SERAC1: variants seen among roughly 807,000 people sequenced by gnomAD.
SERAC1 encodes serine active site containing 1, also known as protein SERAC1.
A neutral mutation model predicts 85.7 loss-of-function variants in SERAC1; 36 were observed. The ratio of observed to expected loss-of-function variants is 0.42; its 90% CI spans 0.32 to 0.55. SERAC1 has a LOEUF of 0.55. Among genes scored for constraint, SERAC1 ranks in the 20% least tolerant of loss-of-function variants. The pLI is 0.11. For synonymous variants in SERAC1, 242 were observed against 265.3 expected (o/e 0.91, Z 0.85); for missense variants, 629 against 796.2 (o/e 0.79, Z 2.53).
chr6:158,158,522 A>C, intron 1 of SERAC1, 158 bp from the exon 2 acceptor site: 1 of 527,348 alleles, frequency 1.9e-6, no homozygotes. Context: ...AAAATTCTCC[A>C]TTAAAAACTT....
intron 8 of SERAC1, among the ~76,000 whole-genome samples, chr6:158,133,878 C>A (rs533319339): frequency 1.2e-4 from 19 of 152,100 alleles, no homozygotes; most frequent in Non-Finnish European, 2.6e-4. Flanking sequence ...TTGTTTTTTC[C>A]TAACCTCTAA....
chr6:158,114,554 G>A, intron 15 of SERAC1: 3 of 1,200,718 alleles, frequency 2.5e-6, no homozygotes, highest in Non-Finnish European at 3.2e-6. Context: ...CTAATTTTAA[G>A]TATTTAAGAT....
At chr6:158,143,345 CTCTATATATATATATATA>C (rs1312563909) in intron 7 of SERAC1, among the ~76,000 whole-genome samples, 161 bp from the exon 8 acceptor site, 3 of 26,426 alleles carry the variant, frequency 1.1e-4, no homozygotes, top group African/African-American at 2.2e-4. Flanking sequence ...CTCTCTCTCT[CTCTATATATATATATATA>C]TATATATATA....
chr6:158,166,823 T>G (rs943054039), intron 1 of SERAC1, among the ~76,000 whole-genome samples: 4 of 152,142 alleles, frequency 2.6e-5, no homozygotes, highest in African/African-American at 9.7e-5. Flanking sequence ...AATGCAGAAA[T>G]TAAGGCCATT....
rs1384979855 is a variant in SERAC1 at position 158,119,403 on chromosome 6, C to T, written c.1167-233G>A. ...AAAAATGGAGACTATTCTAGTCAGG[C>T]AGACCAACCACAATCAATTGTAATG... On this transcript the variant is annotated intron_variant, in intron 11 of 16. Coordinates refer to ENST00000647468, the MANE Select transcript of SERAC1 (RefSeq NM_032861.4). The surrounding 1 kb of genome is among the most constrained non-coding windows in gnomAD (Gnocchi z 4.5). Among the ~76,000 whole-genome samples the T allele has an allele frequency of 6.6e-6, 1 of 152,178 alleles. No homozygotes were observed. The highest frequency in any genetic ancestry group is 1.5e-5 in the Non-Finnish European group (1 of 68,028).
intron 8 of SERAC1, among the ~76,000 whole-genome samples, chr6:158,140,797 T>C (rs1196563488): frequency 1.3e-5 from 2 of 152,162 alleles, no homozygotes; most frequent in African/African-American, 4.8e-5. Flanking sequence ...TGAAGGACAC[T>C]GAGCTGATGT....
At chr6:158,141,944 C>T (rs13340445) in intron 8 of SERAC1, among the ~76,000 whole-genome samples, 37,124 of 151,636 alleles carry the variant, frequency 0.24, 4,691 homozygotes, top group East Asian at 0.3. Flanking sequence ...AATGAGAAAA[C>T]GCATTTAATT....
chr6:158,126,604 TA>T (rs1423557905), intron 10 of SERAC1, among the ~76,000 whole-genome samples: 1 of 152,080 alleles, frequency 6.6e-6, no homozygotes, highest in Non-Finnish European at 1.5e-5. Flanking sequence ...ACCATTATGG[TA>T]AAGACTAGAT....
At chr6:158,159,451 A>T (rs1056633436) in intron 1 of SERAC1, among the ~76,000 whole-genome samples, 2 of 146,620 alleles carry the variant, frequency 1.4e-5, no homozygotes, top group African/African-American at 5.0e-5. Flanking sequence ...GTGAGCTGAG[A>T]TTGCGCCACT....
rs2128412608 is a variant in SERAC1, at chr6:158,120,892, A to G, written c.1016-317T>C. Among the ~76,000 whole-genome samples, 1 of 152,354 alleles carries G rather than the reference A, an allele frequency of 6.6e-6. No individual in the cohort carries two copies. The highest frequency in any genetic ancestry group is 2.1e-4 in the South Asian group (1 of 4,828). ...AGTTATAGAGGTGTTCACAAAAGTG[A>G]ACAAAATACCATGATGTTTTGCTTT... On this transcript the variant is annotated intron_variant, in intron 10 of 16. Coordinates refer to ENST00000647468, the MANE Select transcript of SERAC1 (RefSeq NM_032861.4). The surrounding 1 kb of genome is among the most constrained non-coding windows in gnomAD (Gnocchi z 4.4).
chr6:158,156,060 A>G (rs941312322), intron 2 of SERAC1, among the ~76,000 whole-genome samples: 2 of 152,178 alleles, frequency 1.3e-5, no homozygotes, highest in Non-Finnish European at 2.9e-5. Flanking sequence ...AAGGCAGGAG[A>G]ATCGCTTGAA....
At chr6:158,121,204 AAC>A (rs1435111719) in intron 10 of SERAC1, among the ~76,000 whole-genome samples, 2 of 152,178 alleles carry the variant, frequency 1.3e-5, no homozygotes, top group African/African-American at 2.4e-5. Context: ...CACATACACA[AAC>A]ACACAAAGAT....
At chr6:158,143,708 T>G (rs1268351476) in intron 7 of SERAC1, among the ~76,000 whole-genome samples, 2 of 152,020 alleles carry the variant, frequency 1.3e-5, no homozygotes, top group Non-Finnish European at 2.9e-5. Context: ...TTTTCTATTT[T>G]TCAAAAAGCT....
chr6:158,127,442 C>A (rs1265768024), intron 10 of SERAC1, among the ~76,000 whole-genome samples: 1 of 17,380 alleles, frequency 5.8e-5, no homozygotes, highest in Non-Finnish European at 1.2e-4. Context: ...CCCGGCCGCC[C>A]CTACTGGGAA....
chr6:158,148,833 TA>T, intron 5 of SERAC1, 31 bp downstream of exon 5: 1 of 1,437,882 alleles, frequency 7.0e-7, no homozygotes, highest in Non-Finnish European at 9.7e-7. Flanking sequence ...AGATTACTGA[TA>T]AGGATTCCAA....
chr6:158,162,478 G>T (rs1562463178), intron 1 of SERAC1, among the ~76,000 whole-genome samples: 1 of 152,000 alleles, frequency 6.6e-6, no homozygotes, highest in African/African-American at 2.4e-5. Context: ...CTCAAGATTT[G>T]GTATGCTCCT....
chr6:158,148,654 G>A lies in SERAC1; in HGVS notation c.355+211C>T, dbSNP rs9347095. 0.3 allele frequency among the ~76,000 whole-genome samples: 45,755 copies of A among 151,942 alleles called. 8,291 individuals carry two copies. The highest frequency in any genetic ancestry group is 0.51 in the Admixed American group (7,835 of 15,270). ...GACAGGGTTTCACCATGTTAGCCAG[G>A]CTGGTTTCAAACTCCTGACCTCAGG... On this transcript the variant is annotated intron_variant, in intron 5 of 16. Coordinates refer to ENST00000647468, the MANE Select transcript of SERAC1 (RefSeq NM_032861.4).
At chr6:158,161,382 A>T (rs1785484012) in intron 1 of SERAC1, 1 of 148,768 alleles carries the variant, frequency 6.7e-6, no homozygotes, top group Non-Finnish European at 1.5e-5. Flanking sequence ...ACTCTGTCTC[A>T]GAAAAAAAAA....
In SERAC1 at chr6:158,109,752, T is replaced by A. The variant is rs971683772; in HGVS notation, c.*1614A>T. 1 of 152,200 alleles carries A rather than the reference T, an allele frequency of 6.6e-6. No individual in the cohort carries two copies. Among genetic ancestry groups the A allele is most frequent in the African/African-American group, 2.4e-5 (1 of 41,444 alleles). 9.4% of individuals were successfully genotyped at this position (152,200 alleles called of 1,614,324 possible). A position where few individuals can be genotyped will look rare whatever the true frequency, so the allele number is the denominator to read the frequency against. ...TAGACAAAAATGAACAGAACCTAGA[T>A]GTCCATCAGCTGATGAATGGATAAA... On this transcript the variant is annotated 3_prime_UTR_variant, in exon 17 of 17. Transcript: ENST00000647468.
Sources: gnomAD v4.1 joint callset for allele counts (sites outside exome capture counted in the v4.1 genomes callset) on GRCh38, gnomAD v4.1.1 for gene constraint, Gnocchi (gnomAD v3.1) non-coding constraint, MANE v1.5 for transcripts, NCBI Gene and HGNC (gene_info 2026-07-23, HGNC 2026-07-21) for gene names.